Variants in FRMPD4 observed in about 807,000 individuals in gnomAD.
The protein encoded by FRMPD4 is FERM and PDZ domain-containing protein 4.
In FRMPD4, 22 loss-of-function variants were observed where a neutral mutation model predicts 94.1. The observed-to-expected ratio is 0.23, with a 90% CI of 0.17 to 0.33. The LOEUF is 0.33. Among genes scored for constraint, FRMPD4 ranks in the 10% least tolerant of loss-of-function variants. The probability of loss-of-function intolerance (pLI) is 1.00; values close to 1 mark genes in which losing one functional copy is unlikely to be tolerated. For synonymous variants in FRMPD4, 631 were observed against 548.6 expected, an observed-to-expected ratio of 1.15 and a Z score of -2.10; for missense variants, 1,111 against 1,339.9, an observed-to-expected ratio of 0.83 and a Z score of 2.67.
chrX:11,872,698 G>T lies in FRMPD4; in HGVS notation c.-29-5197G>T, dbSNP rs192119912. Among the ~76,000 whole-genome samples, 11 of 112,272 alleles carry T rather than the reference G, an allele frequency of 9.8e-5. No individual in the cohort carries two copies. In the East Asian group the frequency reaches 2.5e-3, roughly 26 times the overall value. On this transcript the variant is annotated intron_variant, in intron 2 of 18. Coordinates refer to the FRMPD4 transcript ENST00000640291. Reference sequence around the variant, plus strand: ...CAACTTAAAATCATTTATTCTGTGGGTGATCTATTTTTTAGAGTTTAACAT... The same window carrying T: ...CAACTTAAAATCATTTATTCTGTGGTTGATCTATTTTTTAGAGTTTAACAT...
At chrX:12,487,172 T>C (rs1287688207) in intron 1 of FRMPD4, among the ~76,000 whole-genome samples, 1 of 111,735 alleles carries the variant, frequency 8.9e-6, no homozygotes, top group African/African-American at 3.3e-5. Context: ...CTGTTTTCCC[T>C]ATATGCAGCA....
chrX:11,884,604 AACACACAT>A (rs1247026941), intron 3 of FRMPD4, among the ~76,000 whole-genome samples: 1 of 111,566 alleles, frequency 9.0e-6, no homozygotes, highest in African/African-American at 3.3e-5. Flanking sequence ...TATACACACA[AACACACAT>A]ACACATAATA....
intron 3 of FRMPD4, among the ~76,000 whole-genome samples, chrX:11,907,452 A>G (rs775711787): frequency 8.9e-6 from 1 of 112,447 alleles, no homozygotes; most frequent in Non-Finnish European, 1.9e-5. Context: ...TATAAACAAC[A>G]TACATTTATT....
intron 1 of FRMPD4, among the ~76,000 whole-genome samples, chrX:12,469,338 CTTCCAGG>C (rs1323729666): frequency 9.0e-6 from 1 of 111,308 alleles, no homozygotes; most frequent in Non-Finnish European, 1.9e-5. Context: ...CAGCCTCCAG[CTTCCAGG>C]TTCAAGCGAT....
intron 3 of FRMPD4, among the ~76,000 whole-genome samples, chrX:12,124,069 C>G (rs2055479469): frequency 9.0e-6 from 1 of 111,161 alleles, no homozygotes; most frequent in Admixed American, 9.6e-5. Context: ...CCTTCCTTTC[C>G]TAGGGACTTT....
intron 3 of FRMPD4, among the ~76,000 whole-genome samples, chrX:11,922,810 A>G (rs5979489): frequency 0.36 from 40,492 of 111,225 alleles, 5,710 homozygotes; most frequent in East Asian, 0.82. Flanking sequence ...CCTTAGGCTC[A>G]ACTTGTTCCC....
intron 1 of FRMPD4, among the ~76,000 whole-genome samples, chrX:12,355,409 G>T (rs899121750): frequency 9.0e-6 from 1 of 111,357 alleles, no homozygotes; most frequent in African/African-American, 3.3e-5. Flanking sequence ...TGAACTCCTG[G>T]GCTCAAGCAA....
chrX:12,211,231 G>A (rs1401916506), intron 1 of FRMPD4, among the ~76,000 whole-genome samples: 2 of 107,651 alleles, frequency 1.9e-5, no homozygotes, highest in Non-Finnish European at 3.8e-5. Context: ...GCAACTCCAT[G>A]TGGAGCTCTG....
intron 3 of FRMPD4, among the ~76,000 whole-genome samples, chrX:11,918,593 A>G (rs754373478): frequency 7.3e-4 from 82 of 112,149 alleles, no homozygotes; most frequent in Non-Finnish European, 1.4e-3. Flanking sequence ...AACGAGCAAA[A>G]TTCCATCTCA....
At chrX:12,307,735 A>G (rs2054965624) in intron 1 of FRMPD4, among the ~76,000 whole-genome samples, 1 of 111,935 alleles carries the variant, frequency 8.9e-6, no homozygotes, top group African/African-American at 3.2e-5. Flanking sequence ...AAATAGGAGT[A>G]AAAATAATCA....
intron 1 of FRMPD4, among the ~76,000 whole-genome samples, chrX:12,280,701 C>T (rs5979563): frequency 0.14 from 15,613 of 110,983 alleles, 957 homozygotes; most frequent in African/African-American, 0.22. Flanking sequence ...TTTTGACACC[C>T]TCATTGGGGG....
intron 1 of FRMPD4, among the ~76,000 whole-genome samples, chrX:12,194,396 A>G (rs2056542384): frequency 9.4e-6 from 1 of 106,334 alleles, no homozygotes; most frequent in East Asian, 2.9e-4. Flanking sequence ...TTTTGTACCC[A>G]TATACACATC....
rs753378631 is a variant in FRMPD4 at position 12,518,409 on chromosome X, C to T, written c.158+19613C>T. On this transcript the variant is annotated intron_variant, in intron 2 of 16. Transcript: ENST00000675598. ...ATTACAAGAAAATAAAACTAGAGCC[C>T]AATAACCCTGATGAACACTGATGCA... 2.7e-5 allele frequency among the ~76,000 whole-genome samples: 3 copies of T among 111,708 alleles called. No individual in the cohort carries two copies. The East Asian group carries it at 8.5e-4, about 31-fold the overall frequency.
At chrX:11,989,707 T>C (rs2054453516) in intron 3 of FRMPD4, among the ~76,000 whole-genome samples, 1 of 112,142 alleles carries the variant, frequency 8.9e-6, no homozygotes, top group Non-Finnish European at 1.9e-5. Context: ...CTCCATGATG[T>C]GATTATTACG....
intron 1 of FRMPD4, among the ~76,000 whole-genome samples, chrX:12,184,915 G>A (rs2056405332): frequency 9.0e-6 from 1 of 110,827 alleles, no homozygotes; most frequent in African/African-American, 3.3e-5. Context: ...GAATGAATAA[G>A]ACCTAGTATT....
chrX:12,370,581 T>C (rs1468803525), intron 1 of FRMPD4, among the ~76,000 whole-genome samples: 2 of 112,100 alleles, frequency 1.8e-5, no homozygotes, highest in Admixed American at 1.9e-4. Flanking sequence ...CTCTCCAAGA[T>C]TCAGCCTTCC....
intron 3 of FRMPD4, among the ~76,000 whole-genome samples, chrX:12,125,313 C>T (rs758544955): frequency 8.9e-6 from 1 of 112,095 alleles, no homozygotes; most frequent in Admixed American, 9.4e-5. Flanking sequence ...GAAGGATACC[C>T]CTTATGTTTT....
chrX:12,414,821 A>T (rs2056778412), intron 1 of FRMPD4, among the ~76,000 whole-genome samples: 1 of 112,137 alleles, frequency 8.9e-6, no homozygotes, highest in Non-Finnish European at 1.9e-5. Flanking sequence ...GAGAGAGATT[A>T]AGTCATTTTC....
chrX:12,217,158 G>C (rs935401423), intron 1 of FRMPD4, among the ~76,000 whole-genome samples: 2 of 111,934 alleles, frequency 1.8e-5, no homozygotes, highest in African/African-American at 6.5e-5. Context: ...AAGCAGTGGG[G>C]TTGATGCCTT....
Sources: gnomAD v4.1 joint callset for allele counts (sites outside exome capture counted in the v4.1 genomes callset) on GRCh38, gnomAD v4.1.1 for gene constraint, MANE v1.5 for transcripts, NCBI Gene and HGNC (gene_info 2026-07-23, HGNC 2026-07-21) for gene names.